The following PFKFB3 variants were observed in gnomAD, a reference collection of about 807,000 sequenced individuals.
The protein encoded by PFKFB3 is 6-phosphofructo-2-kinase/fructose-2,6-bisphosphatase 3.
A neutral mutation model predicts 68.0 loss-of-function variants in PFKFB3; 33 were observed. The ratio of observed to expected loss-of-function variants is 0.49; its 90% CI spans 0.37 to 0.65. PFKFB3 has a LOEUF of 0.65. Ranked by LOEUF, PFKFB3 falls within the 30% of genes least tolerant of loss-of-function variation. PFKFB3 has a pLI of 0.00. For missense variants in PFKFB3, 586 were observed against 712.2 expected (o/e 0.82, Z 2.02); for synonymous variants, 315 against 288.2 (o/e 1.09, Z -0.94).
the PFKFB3 span, among the ~76,000 whole-genome samples, chr10:6,303,040 G>A: frequency 2.6e-5 from 4 of 152,162 alleles, no homozygotes; most frequent in African/African-American, 9.7e-5. Flanking sequence ...TCTGTCCAGG[G>A]CATGTGGGTA....
the PFKFB3 span, among the ~76,000 whole-genome samples, chr10:6,317,172 C>T: frequency 6.6e-6 from 1 of 152,136 alleles, no homozygotes; most frequent in African/African-American, 2.4e-5. Context: ...TTCATACTCC[C>T]ATGGGGGACG....
chr10:6,213,737 T>A lies in PFKFB3; in HGVS notation c.191T>A (p.Val64Asp). The A allele has an allele frequency of 6.2e-7, 1 of 1,612,348 alleles. No homozygotes were observed. The highest frequency in any genetic ancestry group is 1.7e-4 in the Middle Eastern group (1 of 6,058). The stretch of plus-strand genomic sequence containing the variant: ...ACTCGCTACCTCAACTGGATTGGCG[T>A]CCCCACAAAAGGTGAGACTGGGTCT... ...KLTRYLNWIG[V>D]PTKVFNVGEY... Residue 64 changes from valine (V) to aspartate (D), a missense_variant, in exon 2 of 15, where the codon GTC becomes GAC. Physicochemically the swap from Val to Asp is radical, Grantham distance 152. Transcript: ENST00000379775.
At chr10:6,312,654 G>A in the PFKFB3 span, among the ~76,000 whole-genome samples, 25 of 152,294 alleles carry the variant, frequency 1.6e-4, no homozygotes, top group Non-Finnish European at 1.8e-4. Context: ...GGTGCTGGCC[G>A]AGTTTTAATG....
chr10:6,201,130 C>T (rs555170309), upstream of PFKFB3, among the ~76,000 whole-genome samples: 39 of 152,218 alleles, frequency 2.6e-4, no homozygotes, highest in Middle Eastern at 3.4e-3. This position sits in a 1 kb window ranked among gnomAD's most constrained non-coding sequence, Gnocchi z 4.1. Flanking sequence ...TCTCCCCGCG[C>T]GCAGCCTACA....
intron 1 of PFKFB3, among the ~76,000 whole-genome samples, chr10:6,170,113 T>C (rs916703284): frequency 6.6e-6 from 1 of 152,198 alleles, no homozygotes; most frequent in African/African-American, 2.4e-5. Flanking sequence ...CGTGGTTCTT[T>C]AATGAAGACG....
At chr10:6,286,821 T>C in the PFKFB3 span, among the ~76,000 whole-genome samples, 3 of 152,358 alleles carry the variant, frequency 2.0e-5, no homozygotes, top group East Asian at 5.8e-4. Context: ...CACTCTTTTT[T>C]CTGCATTATC....
intron 14 of PFKFB3, among the ~76,000 whole-genome samples, chr10:6,250,156 C>A (rs1440265456): frequency 1.3e-5 from 2 of 152,008 alleles, no homozygotes; most frequent in Admixed American, 1.3e-4. Context: ...TAGCCTGAGC[C>A]CTCAGGAGGT....
At chr10:6,231,315 G>C in intron 14 of PFKFB3, 2 of 1,612,368 alleles carry the variant, frequency 1.2e-6, no homozygotes, top group Non-Finnish European at 1.7e-6. Flanking sequence ...ACTGTGGAAG[G>C]TAAATGCCTG....
Position 6,213,646 on chromosome 10 carries a change from T to A in PFKFB3, c.100T>A (p.Ser34Thr). Reference protein sequence around the residue: ...PRSCGPKLTNSPTVIVMVGLP... With the variant: ...PRSCGPKLTNTPTVIVMVGLP... ...AGCCTGTGGGCCAAAGCTGACCAACTCCCCCACCGTCATCGTCATGGTGGG... is the reference window on the plus strand; with the variant it reads ...AGCCTGTGGGCCAAAGCTGACCAACACCCCCACCGTCATCGTCATGGTGGG... The change falls in exon 2 of 15, where the codon TCC becomes ACC. Residue 34 changes from serine to threonine, a missense_variant. Transcript: ENST00000379775. 1 of 1,612,330 alleles carries A rather than the reference T, an allele frequency of 6.2e-7. No individual in the cohort carries two copies. The highest frequency in any genetic ancestry group is 8.5e-7 in the Non-Finnish European group (1 of 1,179,332).
At chr10:6,275,440 G>A in the PFKFB3 span, among the ~76,000 whole-genome samples, 3 of 152,200 alleles carry the variant, frequency 2.0e-5, no homozygotes, top group African/African-American at 7.2e-5. The surrounding 1 kb of genome is among the most constrained non-coding windows in gnomAD (Gnocchi z 4.9). Flanking sequence ...ACTGCATGCC[G>A]GGAACGCTGT....
chr10:6,252,561 T>C (rs1037213178), intron 14 of PFKFB3, among the ~76,000 whole-genome samples: 1 of 152,250 alleles, frequency 6.6e-6, no homozygotes, highest in Non-Finnish European at 1.5e-5. Context: ...GAATGAGATA[T>C]ATATAATACG....
intron 6 of PFKFB3, 145 bp downstream of exon 6, chr10:6,217,336 G>T: frequency 1.3e-6 from 1 of 758,044 alleles, no homozygotes; most frequent in Middle Eastern, 3.4e-4. Context: ...TTGATTGGGA[G>T]GTCAGACCTA....
the PFKFB3 span, among the ~76,000 whole-genome samples, chr10:6,314,812 C>T: frequency 2.0e-5 from 3 of 152,182 alleles, no homozygotes; most frequent in African/African-American, 4.8e-5. Context: ...GAGTTTGTGA[C>T]GAACCCATCA....
rs962818246 is a variant in PFKFB3 at position 6,154,123 on chromosome 10, A to T, written c.16+9110A>T. Among the ~76,000 whole-genome samples the T allele has an allele frequency of 1.3e-5, 2 of 152,150 alleles. No individual in the cohort carries two copies. Among genetic ancestry groups the T allele is most frequent in the East Asian group, 3.9e-4 (2 of 5,188 alleles). The stretch of plus-strand genomic sequence containing the variant: ...GGGTGAGAGGGTGGAAGCCAGGTGG[A>T]CACAGGCTTAGGAAGGGAGTGGCGG... On this transcript the variant is annotated intron_variant, in intron 1 of 14. Coordinates refer to the PFKFB3 transcript ENST00000379789. This position sits in a 1 kb window ranked among gnomAD's most constrained non-coding sequence, Gnocchi z 4.6.
chr10:6,286,500 C>G, the PFKFB3 span, among the ~76,000 whole-genome samples: 3 of 152,210 alleles, frequency 2.0e-5, no homozygotes, highest in African/African-American at 7.2e-5. Flanking sequence ...GCCTCAGCCT[C>G]CCAAATAGCT....
At chr10:6,247,493 C>G (rs1385882795) in intron 14 of PFKFB3, among the ~76,000 whole-genome samples, 9 of 152,216 alleles carry the variant, frequency 5.9e-5, no homozygotes, top group Admixed American at 3.3e-4. Context: ...AGGCCAAGGC[C>G]AAACAAAGGA....
At chr10:6,164,809 C>T (rs190472143) in intron 1 of PFKFB3, among the ~76,000 whole-genome samples, 1 of 152,270 alleles carries the variant, frequency 6.6e-6, no homozygotes, top group Non-Finnish European at 1.5e-5. Context: ...TTATGTTTCC[C>T]TTTACTCAGA....
chr10:6,238,085 A>T (rs1410593571), downstream of PFKFB3, among the ~76,000 whole-genome samples: 1 of 152,090 alleles, frequency 6.6e-6, no homozygotes. Context: ...TCGCCTCAAA[A>T]TATGACACTT....
chr10:6,185,941 CT>C (rs1842857987), intron 1 of PFKFB3, among the ~76,000 whole-genome samples: 1 of 152,086 alleles, frequency 6.6e-6, no homozygotes, highest in Admixed American at 6.6e-5. Flanking sequence ...CGCCTGGCCC[CT>C]GTCCTCCAGT....
Sources: gnomAD v4.1 joint callset for allele counts (sites outside exome capture counted in the v4.1 genomes callset) on GRCh38, gnomAD v4.1.1 for gene constraint, Gnocchi (gnomAD v3.1) non-coding constraint, MANE v1.5 for transcripts, NCBI Gene and HGNC (gene_info 2026-07-23, HGNC 2026-07-21) for gene names.